The following FAF1 variants were observed in gnomAD, a reference collection of about 807,000 sequenced individuals.
FAF1 encodes the protein FAS-associated factor 1.
In FAF1, 25 loss-of-function variants were observed where a neutral mutation model predicts 92.5. The observed-to-expected ratio is 0.27, with a 90% confidence interval of 0.20 to 0.38. FAF1 has a LOEUF of 0.38. Ranked by LOEUF, FAF1 falls within the 10% of genes least tolerant of loss-of-function variation. The pLI is 1.00. For synonymous variants in FAF1, 234 were observed against 273.2 expected (o/e 0.86, Z 1.42); for missense variants, 636 against 793.3 (o/e 0.80, Z 2.38).
chr1:50,672,429 T>A (rs1655938180), intron 7 of FAF1, among the ~76,000 whole-genome samples: 1 of 152,056 alleles, frequency 6.6e-6, no homozygotes, highest in South Asian at 2.1e-4. Context: ...GGACAGGGTA[T>A]CACCCAGCTA....
chr1:50,888,300 T>C (rs1423085227), intron 1 of FAF1, among the ~76,000 whole-genome samples: 1 of 152,232 alleles, frequency 6.6e-6, no homozygotes, highest in African/African-American at 2.4e-5. Context: ...GTTTTCTAAA[T>C]ATACAATCAT....
chr1:50,825,902 G>A (rs138740256), intron 2 of FAF1, among the ~76,000 whole-genome samples: 31 of 152,102 alleles, frequency 2.0e-4, no homozygotes, highest in Non-Finnish European at 7.4e-5. Context: ...AAATCAAGCA[G>A]TATACCTCAA....
At chr1:50,898,289 T>G (rs1162159468) in intron 1 of FAF1, among the ~76,000 whole-genome samples, 4 of 152,086 alleles carry the variant, frequency 2.6e-5, no homozygotes, top group African/African-American at 9.7e-5. Context: ...CCCTCCAGCC[T>G]AGACAAACAG....
At chr1:50,573,830 A>C (rs1558000381) in intron 12 of FAF1, among the ~76,000 whole-genome samples, 1 of 150,402 alleles carries the variant, frequency 6.6e-6, no homozygotes, top group African/African-American at 2.5e-5. Context: ...AAAAAAAAAA[A>C]ACAAAACAAA....
chr1:50,518,102 T>TGGTATCCCTTGC (rs58695465), intron 15 of FAF1, among the ~76,000 whole-genome samples: 101 of 152,310 alleles, frequency 6.6e-4, no homozygotes, highest in Non-Finnish European at 1.1e-3. Context: ...ATATCCCTTG[T>TGGTATCCCTTGC]GGTATCCCTT....
intron 13 of FAF1, among the ~76,000 whole-genome samples, chr1:50,564,386 A>G (rs763959611): frequency 4.6e-5 from 7 of 152,130 alleles, no homozygotes; most frequent in Non-Finnish European, 4.4e-5. Context: ...TCATAAAGAA[A>G]TAACAGTTAA....
chr1:50,446,340 C>G lies in FAF1; in HGVS notation c.1870-4817G>C, dbSNP rs138226090. 4.1e-3 allele frequency among the ~76,000 whole-genome samples: 617 copies of G among 152,314 alleles called. 9 individuals carry two copies. Among genetic ancestry groups the G allele is most frequent in the African/African-American group, 0.014 (570 of 41,570 alleles). The stretch of plus-strand genomic sequence containing the variant: ...AGCATAAACTACAGGATGAGTATCA[C>G]TAATGTAAAAATCCCAAATATTTCA... On this transcript the variant is annotated intron_variant, in intron 18 of 18. Transcript: ENST00000396153.
At chr1:50,862,504 CG>C (rs1644444570) in intron 1 of FAF1, among the ~76,000 whole-genome samples, 1 of 151,666 alleles carries the variant, frequency 6.6e-6, no homozygotes, top group Non-Finnish European at 1.5e-5. Flanking sequence ...AATAAGATCT[CG>C]TATTTGTTAG....
intron 7 of FAF1, among the ~76,000 whole-genome samples, chr1:50,701,668 T>C (rs895258649): frequency 2.6e-5 from 4 of 152,112 alleles, no homozygotes; most frequent in African/African-American, 9.7e-5. Context: ...GAGTTAGCCT[T>C]ATCATTATTT....
At chr1:50,674,860 CTATTT>C (rs60719405) in intron 7 of FAF1, among the ~76,000 whole-genome samples, 2,447 of 143,762 alleles carry the variant, frequency 0.017, 43 homozygotes, top group East Asian at 0.07. Context: ...TCACCTTGTA[CTATTT>C]TATTTTATTT....
At chr1:50,759,548 T>A (rs1425142336) in intron 4 of FAF1, among the ~76,000 whole-genome samples, 1 of 152,090 alleles carries the variant, frequency 6.6e-6, no homozygotes, top group Middle Eastern at 3.2e-3. Context: ...ATCCAGTTTA[T>A]CATTGTTGGA....
intron 1 of FAF1, among the ~76,000 whole-genome samples, chr1:50,859,943 G>A (rs1407032485): frequency 1.3e-5 from 2 of 151,584 alleles, no homozygotes; most frequent in Admixed American, 6.6e-5. Context: ...AAATAAAGCT[G>A]CTTGCACAAC....
Position 50,554,390 on chromosome 1 carries a change from T to TATATAG in FAF1, c.1268+12686_1268+12687insCTATAT. 1.4e-3 allele frequency among the ~76,000 whole-genome samples: 133 copies of TATATAG among 93,666 alleles called. 1 individual carries two copies. The highest frequency in any genetic ancestry group is 3.7e-3 in the African/African-American group (78 of 21,136). 61.4% of individuals were successfully genotyped at this position (93,666 alleles called of 152,430 possible). A position where few individuals can be genotyped will look rare whatever the true frequency, so the allele number is the denominator to read the frequency against. On this transcript the variant is annotated intron_variant, in intron 13 of 18. Transcript: ENST00000396153. ...ATATATATATATATATATATATATA[T>TATATAG]AGAGAGAGAGAGAGAGAGAGAGAGA...
intron 18 of FAF1, among the ~76,000 whole-genome samples, chr1:50,457,492 G>A (rs969650320): frequency 2.0e-5 from 3 of 152,156 alleles, no homozygotes; most frequent in African/African-American, 4.8e-5. Context: ...TGAGCAAAGC[G>A]TGTCTGCGAA....
intron 3 of FAF1, among the ~76,000 whole-genome samples, chr1:50,799,760 T>C (rs933024192): frequency 3.3e-5 from 5 of 152,204 alleles, no homozygotes; most frequent in African/African-American, 1.2e-4. Flanking sequence ...AGACTGCATA[T>C]ATTCGACTTT....
intron 1 of FAF1, among the ~76,000 whole-genome samples, chr1:50,952,233 G>C (rs979551423): frequency 7.9e-5 from 12 of 152,126 alleles, no homozygotes; most frequent in African/African-American, 2.7e-4. Flanking sequence ...TCAGCCTGCC[G>C]AGTGCCTGGG....
At chr1:50,915,866 A>G (rs1047159987) in intron 1 of FAF1, among the ~76,000 whole-genome samples, 1 of 152,218 alleles carries the variant, frequency 6.6e-6, no homozygotes, top group Non-Finnish European at 1.5e-5. Context: ...CCCTATTCCC[A>G]TCCAACTCTA....
At chr1:50,468,035 C>G (rs997673584) in intron 18 of FAF1, among the ~76,000 whole-genome samples, 1 of 152,074 alleles carries the variant, frequency 6.6e-6, no homozygotes, top group African/African-American at 2.4e-5. Context: ...ATGGCAAAAT[C>G]CCATTTCTAT....
intron 4 of FAF1, among the ~76,000 whole-genome samples, chr1:50,779,401 A>G (rs1319444982): frequency 6.6e-6 from 1 of 152,212 alleles, no homozygotes; most frequent in Non-Finnish European, 1.5e-5. Flanking sequence ...GAATCACTAC[A>G]TATGGCAGCT....
Sources: gnomAD v4.1 joint callset for allele counts (sites outside exome capture counted in the v4.1 genomes callset) on GRCh38, gnomAD v4.1.1 for gene constraint, MANE v1.5 for transcripts, NCBI Gene and HGNC (gene_info 2026-07-23, HGNC 2026-07-21) for gene names.